KRT1: variants seen among roughly 807,000 people sequenced by gnomAD.
KRT1 encodes keratin 1, also known as keratin, type II cytoskeletal 1.
A neutral mutation model predicts 51.6 loss-of-function variants in KRT1; 28 were observed. That is an observed-to-expected ratio of 0.54 (90% CI 0.40 to 0.74). KRT1 has a LOEUF of 0.74. KRT1 is among the 30% of genes least tolerant of loss of function. The probability of loss-of-function intolerance (pLI) is 0.00; values close to 1 mark genes in which losing one functional copy is unlikely to be tolerated. For missense variants in KRT1, 783 were observed against 815.5 expected (o/e 0.96, Z 0.49); for synonymous variants, 301 against 307.7 (o/e 0.98, Z 0.23).
In KRT1 at chr12:52,677,723, G is replaced by A; in HGVS notation, c.890C>T (p.Thr297Ile). The A allele has an allele frequency of 6.2e-7, 1 of 1,614,082 alleles. No homozygotes were observed. Among genetic ancestry groups the A allele is most frequent in the Non-Finnish European group, 8.5e-7 (1 of 1,180,004 alleles). ...AAGTTTGGCCTGAAGGTCCACCTTG[G>A]TCATATAAGCACCATCCACATCCTA... ...IKKDVDGAYM[T>I]KVDLQAKLDN... The change falls in exon 4 of 9, where the codon ACC becomes ATC. Residue 297 changes from threonine (T) to isoleucine (I), a missense_variant. Transcript: ENST00000252244.
chr12:52,678,041 C>T, intron 3 of KRT1, 122 bp downstream of exon 3: 1 of 914,672 alleles, frequency 1.1e-6, no homozygotes, highest in Non-Finnish European at 1.8e-6. Context: ...TAGCCCCACT[C>T]CATATACTCC....
chr12:52,676,014 A>G (rs1443792212), intron 7 of KRT1, among the ~76,000 whole-genome samples: 1 of 152,220 alleles, frequency 6.6e-6, no homozygotes, highest in Admixed American at 6.5e-5. Flanking sequence ...GCCAGCTGCC[A>G]TCTGAGGCAG....
intron 6 of KRT1, 40 bp downstream of exon 6, chr12:52,677,019 C>T (rs1941516318): frequency 6.2e-7 from 1 of 1,608,752 alleles, no homozygotes; most frequent in Non-Finnish European, 8.5e-7. Flanking sequence ...GGGTTACCCC[C>T]ATTCCATACA....
chr12:52,676,170 T>C (rs1356725125), intron 7 of KRT1, 105 bp downstream of exon 7: 8 of 964,232 alleles, frequency 8.3e-6, no homozygotes, highest in Non-Finnish European at 9.8e-6. Context: ...CATTTCCCCA[T>C]ACCCAGCACA....
intron 3 of KRT1, 106 bp downstream of exon 3, chr12:52,678,057 T>A: frequency 3.8e-6 from 4 of 1,065,304 alleles, no homozygotes; most frequent in Middle Eastern, 2.0e-4. Flanking sequence ...ACTCCCCAGG[T>A]CTACTACCTG....
chr12:52,676,333 G>T lies in KRT1; in HGVS notation c.1417C>A (p.Leu473Met), dbSNP rs1231783159. The T allele has an allele frequency of 1.2e-6, 2 of 1,614,186 alleles. No individual in the cohort carries two copies. The highest frequency in any genetic ancestry group is 1.7e-6 in the Non-Finnish European group (2 of 1,180,030). ...RDYQELMNTKLALDLEIATYR... is the reference protein window; with the variant it reads ...RDYQELMNTKMALDLEIATYR... ...GTGGCAATCTCCAGATCCAGGGCCA[G>T]CTTTGTGTTCATCAGCTCCTGGTAG... is the stretch of plus-strand genomic sequence containing the variant. The change falls in exon 7 of 9, where the codon CTG becomes ATG. Residue 473 changes from leucine to methionine, a missense_variant. Leu to Met is a conservative substitution (Grantham distance 15, BLOSUM62 2). Transcript: ENST00000252244.
rs56895471 is a variant in KRT1, at chr12:52,678,607, A to G, written c.741T>C (p.Ser247=). Residue 247 remains serine (S), a synonymous_variant, in exon 2 of 9, where the codon AGT becomes AGC. Transcript: ENST00000252244. ...NLRRRVDQLK[S]DQSRLDSELK... ...GTTCCGAATCCAACCGAGATTGATC[A>G]CTCTTCAGTTGGTCCACTCTCCTTC... The G allele has an allele frequency of 1.8e-3, 2,897 of 1,614,128 alleles. 48 individuals carry two copies. In the African/African-American group the frequency reaches 0.035, roughly 19 times the overall value.
At position 52,680,211 on chromosome 12, in the gene KRT1, A is replaced by C; in HGVS notation, c.138T>G (p.Phe46Leu). ...TACCACCACCACCACCACAGCTTGA[A>C]AATCTCCCACCACCTCCTCCACTGC... ...TRRSGGGGGR[F>L]SSCGGGGGSF... Residue 46 changes from phenylalanine to leucine, a missense_variant, in exon 1 of 9, where the codon TTT (phenylalanine) becomes TTG (leucine). Coordinates refer to ENST00000252244, the MANE Select transcript of KRT1 (RefSeq NM_006121.4). 1.2e-6 allele frequency: 2 copies of C among 1,613,974 alleles called. No individual in the cohort carries two copies. The highest frequency in any genetic ancestry group is 1.7e-6 in the Non-Finnish European group (2 of 1,179,922).
rs755551411 is a variant in KRT1, at chr12:52,677,042, A to G, written c.1254+17T>C. On this transcript the variant is annotated intron_variant, in intron 6 of 8. Transcript: ENST00000252244. ...CCCATTCCATACAGCTGAGTGGTAG[A>G]AGGAGAAAGCACATACCTGCTTCTT... 1.9e-6 allele frequency: 3 copies of G among 1,611,598 alleles called. No homozygotes were observed. In the African/African-American group the frequency reaches 4.0e-5, roughly 22 times the overall value.
intron 2 of KRT1, 98 bp downstream of exon 2, chr12:52,678,444 A>G: frequency 7.8e-7 from 1 of 1,280,908 alleles, no homozygotes; most frequent in East Asian, 2.3e-5. Context: ...CTAACCTAAG[A>G]AAAGACATAG....
Position 52,677,429 on chromosome 12 carries a change from T to A in KRT1, c.1015A>T (p.Met339Leu). The change falls in exon 5 of 9, where the codon ATG becomes TTG. Residue 339 changes from methionine (M) to leucine (L), a missense_variant. Physicochemically the swap from Met to Leu is conservative, Grantham distance 15. Transcript: ENST00000252244. ...QISETNVILS[M>L]DNNRSLDLDS... ...AGGTCGAGACTGCGGTTGTTGTCCA[T>A]AGAGAGGATGACATTAGTTTCACTG... is the stretch of plus-strand genomic sequence containing the variant. 1 of 1,614,196 alleles carries A rather than the reference T, an allele frequency of 6.2e-7. No individual in the cohort carries two copies. Among genetic ancestry groups the A allele is most frequent in the Non-Finnish European group, 8.5e-7 (1 of 1,180,038 alleles).
Position 52,674,796 on chromosome 12 carries a change from C to A in KRT1, c.*397G>T. On this transcript the variant is annotated 3_prime_UTR_variant, in exon 9 of 9. Transcript: ENST00000252244. ...AAATGGGGAGTTTAAGACCTCTCCA[C>A]AAAAGAAAAACAACTTGCTTACACC... The A allele has an allele frequency of 3.3e-6, 1 of 299,684 alleles. No individual in the cohort carries two copies. The highest frequency in any genetic ancestry group is 6.3e-6 in the Non-Finnish European group (1 of 159,320). The allele number at this position is 299,684 out of a possible 1,614,324, so 18.6% of individuals were successfully genotyped here. A position where few individuals can be genotyped will look rare whatever the true frequency, so the allele number is the denominator to read the frequency against.
rs768738084 is a variant in KRT1, at chr12:52,677,519, A to C, written c.964-39T>G. The stretch of plus-strand genomic sequence containing the variant: ...TAGGTTAGTGACTCTTACAGCACTA[A>C]AACAAAAAACAACTTAGACAGAGAA... On this transcript the variant is annotated intron_variant, in intron 4 of 8. Coordinates refer to ENST00000252244, the MANE Select transcript of KRT1 (RefSeq NM_006121.4). The C allele has an allele frequency of 3.1e-6, 5 of 1,613,206 alleles. No homozygotes were observed. The East Asian group carries it at 1.1e-4, about 36-fold the overall frequency.
At chr12:52,679,521 A>C (rs1230488532) in intron 1 of KRT1, among the ~76,000 whole-genome samples, 1 of 152,182 alleles carries the variant, frequency 6.6e-6, no homozygotes, top group Non-Finnish European at 1.5e-5. Context: ...AAAGCACTTA[A>C]ATGTTAATGT....
At chr12:52,677,875 T>C in intron 3 of KRT1, 130 bp from the exon 4 acceptor site, 1 of 838,190 alleles carries the variant, frequency 1.2e-6, no homozygotes, top group Non-Finnish European at 2.0e-6. Context: ...CCCAGGTAAA[T>C]CACAGTTCCC....
intron 1 of KRT1, 92 bp from the exon 2 acceptor site, chr12:52,678,848 C>G: frequency 9.2e-7 from 1 of 1,086,912 alleles, no homozygotes. Context: ...ACCTCAATTC[C>G]TATCTTCTGA....
chr12:52,679,623 A>T, intron 1 of KRT1, 135 bp downstream of exon 1: 1 of 812,928 alleles, frequency 1.2e-6, no homozygotes, highest in Non-Finnish European at 2.1e-6. Flanking sequence ...CATATCTCCT[A>T]GGAGACCATT....
Position 52,678,085 on chromosome 12 carries a change from T to A in KRT1, c.867+78A>T, listed in dbSNP as rs1414551661. On this transcript the variant is annotated intron_variant, in intron 3 of 8. Coordinates refer to ENST00000252244, the MANE Select transcript of KRT1 (RefSeq NM_006121.4). ...ACTACCTGGCTCTCCATATCATGGC[T>A]GCTTTCTGCTTAGTAATTGGAGACC... 13 of 1,404,268 alleles carry A rather than the reference T, an allele frequency of 9.3e-6. No homozygotes were observed. The East Asian group carries it at 2.1e-4, about 22-fold the overall frequency. The allele number at this position is 1,404,268 out of a possible 1,614,324, so 87.0% of individuals were successfully genotyped here. A position where few individuals can be genotyped will look rare whatever the true frequency, so the allele number is the denominator to read the frequency against.
rs1674119787 is a variant in KRT1, at chr12:52,678,200, C to A, written c.830G>T (p.Arg277Leu). The change falls in exon 3 of 9, where the codon CGG becomes CTG. Residue 277 changes from arginine to leucine, a missense_variant. Coordinates refer to ENST00000252244, the MANE Select transcript of KRT1 (RefSeq NM_006121.4). The stretch of plus-strand genomic sequence containing the variant: ...CACAAATTCATTCTCTGCATTTGTC[C>A]GCTTGTTGATTTCATCCTCATACCT... ...RNKYEDEINK[R>L]TNAENEFVTI... is the part of the protein sequence containing the mutation. 1.2e-6 allele frequency: 2 copies of A among 1,613,960 alleles called. No individual in the cohort carries two copies.
Sources: allele counts gnomAD v4.1 joint callset (sites outside exome capture counted in the v4.1 genomes callset), GRCh38; gene constraint gnomAD v4.1.1; transcripts MANE v1.5; gene names NCBI Gene and HGNC (gene_info 2026-07-23, HGNC 2026-07-21).